The following DDX19B variants were observed in gnomAD, a reference collection of about 807,000 sequenced individuals.
The protein encoded by DDX19B is DEAD-box helicase 19B, also known as ATP-dependent RNA helicase DDX19B.
In DDX19B, 27 loss-of-function variants were observed where a neutral mutation model predicts 58.1. The ratio of observed to expected loss-of-function variants is 0.46; its 90% CI spans 0.34 to 0.64. The LOEUF (loss-of-function observed/expected upper bound fraction) is 0.64, where lower values mean the gene tolerates loss of function less well. Among genes scored for constraint, DDX19B ranks in the 30% least tolerant of loss-of-function variants. The pLI is 0.01. For missense variants in DDX19B, 399 were observed against 596.5 expected (o/e 0.67, Z 3.45); for synonymous variants, 187 against 214.4 (o/e 0.87, Z 1.12).
upstream of DDX19B, chr16:70,294,858 G>T: frequency 1.3e-6 from 2 of 1,522,878 alleles, no homozygotes; most frequent in African/African-American, 1.4e-5. Context: ...GGCTGGGGCT[G>T]CCGGGCGCGT....
upstream of DDX19B, among the ~76,000 whole-genome samples, chr16:70,298,808 G>C (rs1597460711): frequency 6.6e-6 from 1 of 152,172 alleles, no homozygotes; most frequent in Non-Finnish European, 1.5e-5. Flanking sequence ...AACCAAATGG[G>C]TTGTCAGGGC....
chr16:70,317,297 C>T, intron 4 of DDX19B, 199 bp from the exon 5 acceptor site: 1 of 349,946 alleles, frequency 2.9e-6, no homozygotes, highest in Non-Finnish European at 5.2e-6. Context: ...ACGAGAATTG[C>T]TTGAACCCGG....
Position 70,315,950 on chromosome 16 carries a change from G to A in DDX19B, c.161-19G>A. 6.2e-7 allele frequency: 1 copy of A among 1,607,128 alleles called. No individual in the cohort carries two copies. Among genetic ancestry groups the A allele is most frequent in the East Asian group, 2.2e-5 (1 of 44,828 alleles). On this transcript the variant is annotated intron_variant, in intron 3 of 11. Coordinates refer to ENST00000288071, the MANE Select transcript of DDX19B (RefSeq NM_007242.7). ...TTTCAAGGACTTTTTAAAATTCTTT[G>A]CTTTCTTTTTCCTGACAGAGGACAG...
At chr16:70,304,619 C>T (rs1006483260) in intron 1 of DDX19B, among the ~76,000 whole-genome samples, 21 of 152,160 alleles carry the variant, frequency 1.4e-4, no homozygotes, top group Admixed American at 3.9e-4. Flanking sequence ...GTGATCCATC[C>T]GCCTTGGCCT....
At chr16:70,315,419 TAGTC>T (rs1423387257) in intron 3 of DDX19B, among the ~76,000 whole-genome samples, 6 of 148,144 alleles carry the variant, frequency 4.1e-5, no homozygotes, top group Non-Finnish European at 5.9e-5. Flanking sequence ...TCAATATAAA[TAGTC>T]AGTAGGTGAA....
chr16:70,292,819 C>A (rs1161123012), upstream of DDX19B, among the ~76,000 whole-genome samples: 1 of 151,606 alleles, frequency 6.6e-6, no homozygotes, highest in African/African-American at 2.4e-5. Flanking sequence ...CAGAGTGAAA[C>A]AACAGGCCAG....
chr16:70,307,729 A>AT (rs1243073109), intron 1 of DDX19B, among the ~76,000 whole-genome samples: 3 of 145,420 alleles, frequency 2.1e-5, no homozygotes, highest in South Asian at 4.4e-4. Flanking sequence ...ATATGTGTGT[A>AT]TTTTTTTTAA....
chr16:70,300,769 A>G (rs999171872), intron 1 of DDX19B, among the ~76,000 whole-genome samples: 7 of 152,194 alleles, frequency 4.6e-5, no homozygotes, highest in East Asian at 1.9e-4. Flanking sequence ...GGCTCAAGCC[A>G]TCCTCCCACC....
Position 70,333,030 on chromosome 16 carries a change from A to T in DDX19B, c.1249A>T (p.Asn417Tyr). ...NFDLPVDKDG[N>Y]PDNETYLHRI... Reference sequence around the variant, plus strand: ...TGATCTTCCCGTGGACAAGGACGGGAATCCTGACAATGAGACCTACCTGCA... The same window carrying T: ...TGATCTTCCCGTGGACAAGGACGGGTATCCTGACAATGAGACCTACCTGCA... The change falls in exon 11 of 12, where the codon AAT becomes TAT. Residue 417 changes from asparagine to tyrosine, a missense_variant. By Grantham distance (143) the Asn-to-Tyr change is moderately radical. Around this residue, in one of 4 missense-constraint regions of DDX19B, gnomAD observed 198 missense variants for 345.9 expected, o/e 0.57. Transcript: ENST00000288071. The T allele has an allele frequency of 6.2e-7, 1 of 1,613,056 alleles. No individual in the cohort carries two copies. Among genetic ancestry groups the T allele is most frequent in the Non-Finnish European group, 8.5e-7 (1 of 1,179,782 alleles).
chr16:70,319,576 C>CCTTTTTTTTT (rs1555547570), intron 5 of DDX19B: 2 of 145,724 alleles, frequency 1.4e-5, no homozygotes, highest in Admixed American at 6.9e-5. Context: ...TTCTGAATCT[C>CCTTTTTTTTT]TTTTTTTTTT....
chr16:70,294,072 ATTTTTTTTTTTT>A (rs35683856), upstream of DDX19B, among the ~76,000 whole-genome samples: 19 of 63,148 alleles, frequency 3.0e-4, no homozygotes, highest in South Asian at 2.6e-3. Context: ...GAGAGCCTGA[ATTTTTTTTTTTT>A]TTTTTTTTTT....
At chr16:70,315,766 G>T (rs1962364272) in intron 3 of DDX19B, 2 of 624,442 alleles carry the variant, frequency 3.2e-6, no homozygotes, top group African/African-American at 3.6e-5. Context: ...GTCTGGAAAA[G>T]AATATGAGGC....
chr16:70,316,892 G>A (rs1205918270), intron 4 of DDX19B, among the ~76,000 whole-genome samples: 1 of 151,886 alleles, frequency 6.6e-6, no homozygotes, highest in African/African-American at 2.4e-5. Context: ...CCAACATGGT[G>A]AAACCCTGTC....
At chr16:70,309,913 C>T (rs968088243) in intron 1 of DDX19B, among the ~76,000 whole-genome samples, 1 of 151,814 alleles carries the variant, frequency 6.6e-6, no homozygotes, top group African/African-American at 2.4e-5. Flanking sequence ...TCCTCTCTAC[C>T]CTCCTTCCCC....
chr16:70,297,306 G>A (rs759303876), upstream of DDX19B, among the ~76,000 whole-genome samples: 5 of 152,018 alleles, frequency 3.3e-5, no homozygotes, highest in Non-Finnish European at 5.9e-5. Flanking sequence ...TTTGCCTTCC[G>A]GGTTCTAGTG....
At chr16:70,332,857 T>C (rs1399454456) in intron 10 of DDX19B, 111 bp from the exon 11 acceptor site, 1 of 1,593,844 alleles carries the variant, frequency 6.3e-7, no homozygotes. Context: ...TGCACGTCTC[T>C]TAGTGCCGTG....
At chr16:70,332,142 A>G (rs1963517804) in intron 10 of DDX19B, among the ~76,000 whole-genome samples, 1 of 152,210 alleles carries the variant, frequency 6.6e-6, no homozygotes, top group Non-Finnish European at 1.5e-5. Flanking sequence ...TCTTCCAGGG[A>G]TGCCCATCTC....
upstream of DDX19B, among the ~76,000 whole-genome samples, chr16:70,296,134 G>T (rs1219040049): frequency 6.6e-6 from 1 of 151,602 alleles, no homozygotes; most frequent in Non-Finnish European, 1.5e-5. Flanking sequence ...CTCCCAAGTA[G>T]CTGGGATTAC....
At chr16:70,313,167 T>C (rs961093657) in intron 2 of DDX19B, among the ~76,000 whole-genome samples, 3 of 151,976 alleles carry the variant, frequency 2.0e-5, no homozygotes, top group Non-Finnish European at 2.9e-5. Flanking sequence ...TACAGGCACC[T>C]GCCACCACGC....
Sources: allele counts gnomAD v4.1 joint callset (sites outside exome capture counted in the v4.1 genomes callset), GRCh38; gene constraint gnomAD v4.1.1; regional missense constraint gnomAD v4.1.1; transcripts MANE v1.5; gene names NCBI Gene and HGNC (gene_info 2026-07-23, HGNC 2026-07-21).